The following STRN4 variants were observed in gnomAD, a reference collection of about 807,000 sequenced individuals.
STRN4 encodes striatin 4.
A neutral mutation model predicts 77.9 loss-of-function variants in STRN4; 27 were observed. That is an observed-to-expected ratio of 0.35 (90% confidence interval 0.26 to 0.48). STRN4 has a LOEUF of 0.48. STRN4 is among the 20% of genes least tolerant of loss of function. The pLI, the probability that STRN4 is intolerant of heterozygous loss-of-function variation, is 0.99. For synonymous variants in STRN4, 466 were observed against 443.1 expected (o/e 1.05, Z -0.65); for missense variants, 798 against 1,049.7 (o/e 0.76, Z 3.31).
rs749922313 is a variant in STRN4 at position 46,730,782 on chromosome 19, C to T, written c.829G>A (p.Asp277Asn). 4 of 1,613,026 alleles carry T rather than the reference C, an allele frequency of 2.5e-6. No homozygotes were observed. Among genetic ancestry groups the T allele is most frequent in the South Asian group, 1.1e-5 (1 of 91,080 alleles). ...FLQNCEDEDS[D>N]EDDELDSVQH... Reference sequence around the variant, plus strand: ...ACGCTGTCCAGCTCATCGTCCTCGTCGCTGTCTTCGTCCTCGCAGTTCTGC... The same window carrying T: ...ACGCTGTCCAGCTCATCGTCCTCGTTGCTGTCTTCGTCCTCGCAGTTCTGC... Residue 277 changes from aspartate to asparagine, a missense_variant, in exon 6 of 18, where the codon GAC (aspartate) becomes AAC (asparagine). Around this residue, in one of 2 missense-constraint regions of STRN4, gnomAD observed 511 missense variants for 575.9 expected, o/e 0.89. Transcript: ENST00000263280.
intron 12 of STRN4, 125 bp downstream of exon 12, chr19:46,724,682 G>T: frequency 7.1e-7 from 1 of 1,417,192 alleles, no homozygotes; most frequent in Non-Finnish European, 9.7e-7. Flanking sequence ...AGCAGACAGG[G>T]GAGCCGTCAC....
chr19:46,743,764 G>A (rs1045888137), intron 1 of STRN4, among the ~76,000 whole-genome samples: 1 of 152,060 alleles, frequency 6.6e-6, no homozygotes, highest in Admixed American at 6.6e-5. Context: ...GCCAGGCGTG[G>A]TGGTGGTGCA....
chr19:46,720,847 G>C (rs1285712499), intron 16 of STRN4, 76 bp from the exon 17 acceptor site: 2 of 1,447,544 alleles, frequency 1.4e-6, no homozygotes, highest in Non-Finnish European at 1.8e-6. Context: ...CCCTCACCTG[G>C]CCTTGTCCAA....
At position 46,720,286 on chromosome 19, in the gene STRN4, T is replaced by A. The variant is rs313840; in HGVS notation, c.*119A>T. 1 of 255,562 alleles carries A rather than the reference T, an allele frequency of 3.9e-6. No individual in the cohort carries two copies. The highest frequency in any genetic ancestry group is 6.8e-5 in the East Asian group (1 of 14,730). 15.8% of individuals were successfully genotyped at this position (255,562 alleles called of 1,614,324 possible). ...GGGCCGTTAGCACCACCAGGCTCCA[T>A]GGCAAACAGACAGAGGCCAGGCCTC... On this transcript the variant is annotated 3_prime_UTR_variant, in exon 18 of 18. Transcript: ENST00000263280.
At chr19:46,739,952 C>T (rs1033468268) in intron 1 of STRN4, among the ~76,000 whole-genome samples, 2 of 152,146 alleles carry the variant, frequency 1.3e-5, no homozygotes, top group African/African-American at 2.4e-5. Flanking sequence ...CAGTTCCTTA[C>T]GGGAGGTAGG....
chr19:46,745,935 T>A, intron 1 of STRN4: 17 of 343,340 alleles, frequency 5.0e-5, no homozygotes, highest in Non-Finnish European at 6.2e-5. Context: ...CACTCCCACC[T>A]CGGGCCGTCC....
Position 46,733,047 on chromosome 19 carries a change from C to T in STRN4, c.729G>A (p.Gln243=). 2.5e-6 allele frequency: 4 copies of T among 1,610,072 alleles called. No homozygotes were observed. Among genetic ancestry groups the T allele is most frequent in the Non-Finnish European group, 3.4e-6 (4 of 1,176,894 alleles). Residue 243 remains glutamine, a synonymous_variant, in exon 5 of 18, where the codon CAG becomes CAA. Transcript: ENST00000263280. This position sits in a 1 kb window ranked among gnomAD's most constrained non-coding sequence, Gnocchi z 4.3. ...CATGTCCACGGGCTCACCTCTTTAT[C>T]TGCTCCTCGATCTGTTTCACCAGCA... ...ESLLVKQIEE[Q]IKRNAAGKDG...
intron 5 of STRN4, chr19:46,732,023 C>T (rs1289985273): frequency 1.3e-5 from 2 of 152,298 alleles, no homozygotes; most frequent in Non-Finnish European, 2.9e-5. Flanking sequence ...AACTTCCACT[C>T]CCAGGCTTCC....
At chr19:46,724,229 CAG>C (rs1287178449) in intron 12 of STRN4, among the ~76,000 whole-genome samples, 1 of 120,424 alleles carries the variant, frequency 8.3e-6, no homozygotes, top group Non-Finnish European at 1.6e-5. Context: ...GCCTGGGTGA[CAG>C]AGTGAGACTC....
intron 9 of STRN4, 155 bp from the exon 10 acceptor site, chr19:46,725,803 C>T: frequency 2.1e-6 from 2 of 943,252 alleles, no homozygotes; most frequent in East Asian, 2.7e-5. Flanking sequence ...CTCTCCCCTT[C>T]CTCTGCTGGG....
At chr19:46,725,874 G>A (rs907804454) in intron 9 of STRN4, 1 of 593,436 alleles carries the variant, frequency 1.7e-6, no homozygotes, top group Non-Finnish European at 2.9e-6. Context: ...AGAGACAAAG[G>A]TGAGCCTGAC....
intron 5 of STRN4, 27 bp from the exon 6 acceptor site, chr19:46,730,900 G>A: frequency 6.2e-7 from 1 of 1,607,096 alleles, no homozygotes; most frequent in Non-Finnish European, 8.5e-7. Flanking sequence ...AGCAGAGGAG[G>A]CATGAGTCCT....
chr19:46,726,580 A>G (rs2054121696), intron 9 of STRN4, among the ~76,000 whole-genome samples: 1 of 151,826 alleles, frequency 6.6e-6, no homozygotes, highest in East Asian at 1.9e-4. Context: ...GTGACCATGA[A>G]GGGGAGGCAG....
chr19:46,746,139 C>A lies in STRN4; in HGVS notation c.282+10G>T. The A allele has an allele frequency of 6.6e-7, 1 of 1,504,692 alleles. No homozygotes were observed. The highest frequency in any genetic ancestry group is 2.1e-5 in the Admixed American group (1 of 47,250). 93.2% of individuals were successfully genotyped at this position (1,504,692 alleles called of 1,614,324 possible). A position where few individuals can be genotyped will look rare whatever the true frequency, so the allele number is the denominator to read the frequency against. The stretch of plus-strand genomic sequence containing the variant: ...GGGTTGGGGGTCGGGGGTCCCGGGA[C>A]AGCGCTCACCTGTAACTCGGCGCGC... On this transcript the variant is annotated intron_variant, in intron 1 of 17. Coordinates refer to ENST00000263280, the MANE Select transcript of STRN4 (RefSeq NM_013403.3).
At chr19:46,731,230 C>T (rs925392139) in intron 5 of STRN4, among the ~76,000 whole-genome samples, 2 of 152,204 alleles carry the variant, frequency 1.3e-5, no homozygotes, top group Non-Finnish European at 2.9e-5. Context: ...ATTCCCACAG[C>T]CCAGTCAGAC....
Position 46,746,398 on chromosome 19 carries a change from G to T in STRN4, c.33C>A (p.Ala11=). 9.4e-7 allele frequency: 1 copy of T among 1,062,182 alleles called. No homozygotes were observed. Among genetic ancestry groups the T allele is most frequent in the South Asian group, 4.4e-5 (1 of 22,768 alleles). 65.8% of individuals were successfully genotyped at this position (1,062,182 alleles called of 1,614,324 possible). A position where few individuals can be genotyped will look rare whatever the true frequency, so the allele number is the denominator to read the frequency against. ...GCGGACGGCAGGAGGAGGCGGCGGC[G>T]GCGACCGCGGCGGCCGCTCGCTCCT... MMEERAAAAV[A]AAASSCRPLG... Residue 11 remains alanine (A), a synonymous_variant, in exon 1 of 18, where the codon GCC becomes GCA. Transcript: ENST00000263280.
chr19:46,736,819 T>A lies in STRN4; in HGVS notation c.539+4A>T. On this transcript the variant is annotated splice_donor_region_variant and intron_variant, in intron 4 of 17. Transcript: ENST00000263280. ...CCCCAGCCCCCCTCCCCGAGCACACTCACTGTCGGAGAAGCTGCCGCCCCT... is the reference window on the plus strand; with the variant it reads ...CCCCAGCCCCCCTCCCCGAGCACACACACTGTCGGAGAAGCTGCCGCCCCT... The A allele has an allele frequency of 6.2e-7, 1 of 1,608,270 alleles. No homozygotes were observed. Among genetic ancestry groups the A allele is most frequent in the Non-Finnish European group, 8.5e-7 (1 of 1,176,604 alleles).
Position 46,738,741 on chromosome 19 carries a change from G to T in STRN4, c.386+44C>A, listed in dbSNP as rs1419213474. 5 of 1,600,420 alleles carry T rather than the reference G, an allele frequency of 3.1e-6. No homozygotes were observed. The highest frequency in any genetic ancestry group is 3.4e-6 in the Non-Finnish European group (4 of 1,168,328). On this transcript the variant is annotated intron_variant, in intron 2 of 17. Transcript: ENST00000263280. The surrounding 1 kb of genome is among the most constrained non-coding windows in gnomAD (Gnocchi z 4.5). ...CTGGTGGCCTCCTGACACTGTGCTTGAGACGGACCCAGAAGGCAGGCCCAG... is the reference window on the plus strand; with the variant it reads ...CTGGTGGCCTCCTGACACTGTGCTTTAGACGGACCCAGAAGGCAGGCCCAG...
chr19:46,732,173 C>G (rs1296385667), intron 5 of STRN4: 1 of 152,550 alleles, frequency 6.6e-6, no homozygotes, highest in African/African-American at 2.4e-5. Context: ...GCCTCACCAC[C>G]GCTAAAGTCC....
Sources: allele counts gnomAD v4.1 joint callset (sites outside exome capture counted in the v4.1 genomes callset), GRCh38; gene constraint gnomAD v4.1.1; regional missense constraint gnomAD v4.1.1; non-coding constraint Gnocchi (gnomAD v3.1); transcripts MANE v1.5; gene names NCBI Gene and HGNC (gene_info 2026-07-23, HGNC 2026-07-21).